The following CHRM3 variants were observed in gnomAD, a reference collection of about 807,000 sequenced individuals.
The protein encoded by CHRM3 is muscarinic acetylcholine receptor M3.
CHRM3 carries 11 observed loss-of-function variants against 41.8 expected under a neutral mutation model. That is an observed-to-expected ratio of 0.26 (90% CI 0.17 to 0.44). CHRM3 has a LOEUF of 0.44. Among genes scored for constraint, CHRM3 ranks in the 20% least tolerant of loss-of-function variants. CHRM3 has a pLI of 1.00. For missense variants in CHRM3, 571 were observed against 745.4 expected, an observed-to-expected ratio of 0.77 and a Z score of 2.72; for synonymous variants, 297 against 301.4, an observed-to-expected ratio of 0.99 and a Z score of 0.15.
chr1:239,447,109 G>A (rs969346225), intron 1 of CHRM3, among the ~76,000 whole-genome samples: 2 of 152,070 alleles, frequency 1.3e-5, no homozygotes, highest in Non-Finnish European at 2.9e-5. Flanking sequence ...GCATGTGTAC[G>A]TGCAATCAAT....
intron 3 of CHRM3, among the ~76,000 whole-genome samples, chr1:239,626,951 T>C (rs1402279843): frequency 1.5e-5 from 1 of 64,564 alleles, no homozygotes; most frequent in Non-Finnish European, 3.1e-5. Context: ...ATAGGTGTGG[T>C]GTGGTGCTGA....
At chr1:239,618,931 T>G (rs1668046323) in intron 3 of CHRM3, among the ~76,000 whole-genome samples, 1 of 142,570 alleles carries the variant, frequency 7.0e-6, no homozygotes, top group African/African-American at 2.6e-5. Context: ...TTATTTATTT[T>G]TGAGATGGAA....
intron 3 of CHRM3, among the ~76,000 whole-genome samples, chr1:239,602,150 T>G (rs1665679596): frequency 2.2e-5 from 3 of 137,838 alleles, no homozygotes; most frequent in African/African-American, 8.2e-5. Context: ...AATTTTGTTT[T>G]TTGAGACACA....
At chr1:239,393,429 T>G (rs751388973) in intron 1 of CHRM3, among the ~76,000 whole-genome samples, 1 of 152,220 alleles carries the variant, frequency 6.6e-6, no homozygotes, top group South Asian at 2.1e-4. Context: ...ATAGACGTGA[T>G]GATCCTCCTG....
chr1:239,591,215 C>A (rs573589142), intron 3 of CHRM3, among the ~76,000 whole-genome samples: 1 of 152,256 alleles, frequency 6.6e-6, no homozygotes, highest in South Asian at 2.1e-4. Context: ...ACAATTCCGC[C>A]TCTATAAAAT....
intron 6 of CHRM3, among the ~76,000 whole-genome samples, chr1:239,837,551 A>G (rs1199234557): frequency 6.6e-6 from 1 of 152,196 alleles, no homozygotes; most frequent in East Asian, 1.9e-4. Flanking sequence ...TCATTACAAT[A>G]TGTTATATAT....
chr1:239,615,273 A>C (rs1667508594), intron 3 of CHRM3, among the ~76,000 whole-genome samples: 1 of 152,192 alleles, frequency 6.6e-6, no homozygotes, highest in South Asian at 2.1e-4. Flanking sequence ...TCTCTATTTT[A>C]TAAGAACTGA....
intron 1 of CHRM3, among the ~76,000 whole-genome samples, chr1:239,438,567 T>C (rs914285098): frequency 9.9e-5 from 15 of 152,234 alleles, no homozygotes; most frequent in Non-Finnish European, 1.5e-5. Flanking sequence ...TAGATTATCC[T>C]CATGATATGG....
rs1489692892 is a variant in CHRM3 at position 239,386,942 on chromosome 1, G to T, written c.-806G>T. ...CGGCATGTGACGCGCGGCCGCAGCT[G>T]CCCGCGGGCGGAGCGCTCTCAGACC... On this transcript the variant is annotated 5_prime_UTR_variant, in exon 1 of 7. Coordinates refer to ENST00000676153, the MANE Select transcript of CHRM3 (RefSeq NM_001375978.1). 6.6e-6 allele frequency: 1 copy of T among 152,026 alleles called. No homozygotes were observed. Among genetic ancestry groups the T allele is most frequent in the East Asian group, 2.0e-4 (1 of 5,114 alleles). The allele number at this position is 152,026 out of a possible 1,614,324, so 9.4% of individuals were successfully genotyped here. A position where few individuals can be genotyped will look rare whatever the true frequency, so the allele number is the denominator to read the frequency against.
intron 3 of CHRM3, among the ~76,000 whole-genome samples, chr1:239,563,020 T>C (rs1661028965): frequency 6.6e-6 from 1 of 151,922 alleles, no homozygotes; most frequent in East Asian, 1.9e-4. Flanking sequence ...AAAGAAACAG[T>C]ACACTGCTGT....
At chr1:239,813,297 T>G (rs1293211125) in intron 5 of CHRM3, among the ~76,000 whole-genome samples, 1 of 151,944 alleles carries the variant, frequency 6.6e-6, no homozygotes, top group African/African-American at 2.4e-5. Context: ...AATAAATAAA[T>G]TTAGTAAAAG....
intron 1 of CHRM3, among the ~76,000 whole-genome samples, chr1:239,404,396 GAAAGAAAGAA>G (rs1660315448): frequency 1.6e-5 from 1 of 64,488 alleles, no homozygotes; most frequent in Admixed American, 2.1e-4. Context: ...AAGAAAGAAA[GAAAGAAAGAA>G]AGAAAAAGAA....
chr1:239,711,172 G>A (rs1010159159), intron 5 of CHRM3, among the ~76,000 whole-genome samples: 1 of 152,094 alleles, frequency 6.6e-6, no homozygotes, highest in Middle Eastern at 3.2e-3. Context: ...TTGCCCATCT[G>A]CTTCTTCCAC....
chr1:239,584,955 T>A (rs925339995), intron 3 of CHRM3, among the ~76,000 whole-genome samples: 1 of 152,046 alleles, frequency 6.6e-6, no homozygotes, highest in Admixed American at 6.6e-5. Flanking sequence ...ACAATTAATT[T>A]TGTAAGCTTC....
chr1:239,769,329 T>A (rs956273949), intron 5 of CHRM3, among the ~76,000 whole-genome samples: 1 of 152,164 alleles, frequency 6.6e-6, no homozygotes, highest in Non-Finnish European at 1.5e-5. Flanking sequence ...AAGGCATTGA[T>A]GTTATTGTTA....
In CHRM3 at chr1:239,503,997, T is replaced by C. The variant is rs187049039; in HGVS notation, c.-422+11190T>C. Among the ~76,000 whole-genome samples the C allele has an allele frequency of 2.0e-5, 3 of 152,300 alleles. No homozygotes were observed. The East Asian group carries it at 5.8e-4, about 29-fold the overall frequency. On this transcript the variant is annotated intron_variant, in intron 2 of 6. Coordinates refer to ENST00000676153, the MANE Select transcript of CHRM3 (RefSeq NM_001375978.1). ...AACATTAGAAAAATCCTTCTAGACA[T>C]TGGCTTAGGCAAGGATTTTATGGCC...
At chr1:239,477,819 G>T (rs1572433553) in intron 1 of CHRM3, among the ~76,000 whole-genome samples, 1 of 152,190 alleles carries the variant, frequency 6.6e-6, no homozygotes, top group Admixed American at 6.5e-5. Context: ...GGCTGCAGAG[G>T]AGCAGGAGAG....
chr1:239,425,150 A>C (rs1247397354), intron 1 of CHRM3, among the ~76,000 whole-genome samples: 9 of 152,246 alleles, frequency 5.9e-5, no homozygotes, highest in African/African-American at 2.2e-4. Context: ...TTTAGCAGTG[A>C]TAAGAATTAA....
At chr1:239,772,070 C>A (rs562191929) in intron 5 of CHRM3, among the ~76,000 whole-genome samples, 23 of 152,256 alleles carry the variant, frequency 1.5e-4, no homozygotes, top group African/African-American at 5.3e-4. Flanking sequence ...GAGGAATATA[C>A]AACAATTGTT....
Sources: allele counts gnomAD v4.1 joint callset (sites outside exome capture counted in the v4.1 genomes callset), GRCh38; gene constraint gnomAD v4.1.1; transcripts MANE v1.5; gene names NCBI Gene and HGNC (gene_info 2026-07-23, HGNC 2026-07-21).